PARP11: variants seen among roughly 807,000 people sequenced by gnomAD.
The protein encoded by PARP11 is poly(ADP-ribose) polymerase family member 11.
Under a neutral mutation model 42.9 loss-of-function variants are expected in PARP11, and 31 were observed. That is an observed-to-expected ratio of 0.72 (90% CI 0.54 to 0.98). The LOEUF (loss-of-function observed/expected upper bound fraction) is 0.98. PARP11 is among the 50% of genes least tolerant of loss of function. PARP11 has a pLI of 0.00. For synonymous variants in PARP11, 137 were observed against 127.3 expected (o/e 1.08, Z -0.51); for missense variants, 365 against 413.1 (o/e 0.88, Z 1.01).
At chr12:3,821,766 A>T in intron 6 of PARP11, 107 bp downstream of exon 6, 1 of 1,210,640 alleles carries the variant, frequency 8.3e-7, no homozygotes, top group Admixed American at 2.3e-5. Flanking sequence ...ACGGCAAGAG[A>T]AAAACAGCAT....
chr12:3,830,126 C>A, intron 1 of PARP11, 108 bp from the exon 2 acceptor site: 1 of 923,700 alleles, frequency 1.1e-6, no homozygotes, highest in Non-Finnish European at 1.6e-6. Flanking sequence ...AGTGTCTTTC[C>A]TCCCATGACA....
At chr12:3,824,105 T>C (rs550259407) in intron 4 of PARP11, among the ~76,000 whole-genome samples, 15 of 152,204 alleles carry the variant, frequency 9.9e-5, no homozygotes, top group South Asian at 4.1e-4. Context: ...ACCAGAAATA[T>C]AGAAATCATC....
At chr12:3,833,401 G>A (rs771506787) in intron 1 of PARP11, among the ~76,000 whole-genome samples, 2 of 151,974 alleles carry the variant, frequency 1.3e-5, no homozygotes, top group Admixed American at 6.6e-5. Flanking sequence ...AGGAGTTTGA[G>A]GCAAGCCTGG....
In PARP11 at chr12:3,840,532, A is replaced by C; in HGVS notation, c.19-10514T>G. ...ATTCTCCAGTGAGCACAAAAATCTTAGCCGGACACCTTCACAGATCATAAG... is the reference window on the plus strand; with the variant it reads ...ATTCTCCAGTGAGCACAAAAATCTTCGCCGGACACCTTCACAGATCATAAG... On this transcript the variant is annotated intron_variant, in intron 1 of 7. Coordinates refer to ENST00000228820, the MANE Select transcript of PARP11 (RefSeq NM_020367.6). The surrounding 1 kb of genome is among the most constrained non-coding windows in gnomAD (Gnocchi z 4.4). The C allele has an allele frequency of 1.2e-6, 2 of 1,608,990 alleles. No individual in the cohort carries two copies. Among genetic ancestry groups the C allele is most frequent in the Non-Finnish European group, 1.7e-6 (2 of 1,175,214 alleles).
At chr12:3,873,119 G>C (rs1030096967) in intron 1 of PARP11, 93 bp downstream of exon 1, 1 of 1,211,256 alleles carries the variant, frequency 8.3e-7, no homozygotes, top group Admixed American at 2.0e-5. Flanking sequence ...CCAGACTGAA[G>C]CGAGCGCGGG....
At chr12:3,854,052 A>G (rs1948147654) in intron 1 of PARP11, among the ~76,000 whole-genome samples, 1 of 152,242 alleles carries the variant, frequency 6.6e-6, no homozygotes, top group Non-Finnish European at 1.5e-5. Flanking sequence ...AAATAACTAA[A>G]TGAAGGTAGA....
At chr12:3,827,854 A>G (rs992612831) in intron 3 of PARP11, among the ~76,000 whole-genome samples, 1 of 152,210 alleles carries the variant, frequency 6.6e-6, no homozygotes, top group Non-Finnish European at 1.5e-5. Flanking sequence ...CACTACTCAC[A>G]GGAATTGAGA....
chr12:3,850,531 C>G lies in PARP11; in HGVS notation c.19-20513G>C, dbSNP rs541789660. On this transcript the variant is annotated intron_variant, in intron 1 of 7. Transcript: ENST00000228820. The stretch of plus-strand genomic sequence containing the variant: ...TTTTCCTCACATGTCCAGATTCCCC[C>G]ACGCAAGCATGTCCACAAAGGGTAA... Among the ~76,000 whole-genome samples the G allele has an allele frequency of 7.9e-5, 12 of 152,300 alleles. No individual in the cohort carries two copies. The South Asian group carries it at 2.3e-3, about 29-fold the overall frequency.
intron 1 of PARP11, among the ~76,000 whole-genome samples, chr12:3,859,302 C>T (rs925084349): frequency 3.3e-5 from 5 of 151,894 alleles, no homozygotes; most frequent in South Asian, 2.1e-4. Context: ...CAGTGGCTCA[C>T]GTCTGTAATC....
rs968356000 is a variant in PARP11, at chr12:3,872,249, C to T, written c.18+963G>A. Among the ~76,000 whole-genome samples, 4 of 152,196 alleles carry T rather than the reference C, an allele frequency of 2.6e-5. No homozygotes were observed. In the East Asian group the frequency reaches 7.8e-4, roughly 29 times the overall value. ...TCCTTTGTCCAGTCACATTTTTACACAGTTGTCTATTCTTCATGGGTCCTA... is the reference window on the plus strand; with the variant it reads ...TCCTTTGTCCAGTCACATTTTTACATAGTTGTCTATTCTTCATGGGTCCTA... On this transcript the variant is annotated intron_variant, in intron 1 of 7. Coordinates refer to ENST00000228820, the MANE Select transcript of PARP11 (RefSeq NM_020367.6).
intron 1 of PARP11, chr12:3,872,516 G>A (rs889899076): frequency 2.0e-6 from 2 of 985,204 alleles, no homozygotes; most frequent in East Asian, 1.1e-4. Flanking sequence ...AAATACCAGA[G>A]TCAGCCAAGG....
Position 3,861,703 on chromosome 12 carries a change from C to T in PARP11, c.18+11509G>A, listed in dbSNP as rs188856983. Among the ~76,000 whole-genome samples, 54 of 150,812 alleles carry T rather than the reference C, an allele frequency of 3.6e-4. 1 individual carries two copies. The highest frequency in any genetic ancestry group is 3.3e-3 in the Admixed American group (50 of 15,176). ...CTGTTTTATCACTTTTTTTTTTCAT[C>T]GATCATAGTCCTGGCATTGTAGCTA... On this transcript the variant is annotated intron_variant, in intron 1 of 7. Coordinates refer to ENST00000228820, the MANE Select transcript of PARP11 (RefSeq NM_020367.6). The surrounding 1 kb of genome is among the most constrained non-coding windows in gnomAD (Gnocchi z 4.6).
At chr12:3,829,779 T>G in intron 2 of PARP11, 111 bp downstream of exon 2, 1 of 1,096,538 alleles carries the variant, frequency 9.1e-7, no homozygotes, top group Non-Finnish European at 1.3e-6. Flanking sequence ...ACAATTTTAT[T>G]TCCTTAAGCT....
chr12:3,813,316 GA>G (rs1317669226), intron 7 of PARP11, among the ~76,000 whole-genome samples: 2 of 152,172 alleles, frequency 1.3e-5, no homozygotes, highest in African/African-American at 4.8e-5. Flanking sequence ...CCATATCCAT[GA>G]AAAGATTTCT....
intron 3 of PARP11, among the ~76,000 whole-genome samples, chr12:3,826,965 A>C (rs1291365234): frequency 6.6e-6 from 1 of 152,186 alleles, no homozygotes; most frequent in African/African-American, 2.4e-5. Flanking sequence ...CCATTTCAAA[A>C]TGATTATGTT....
intron 1 of PARP11, chr12:3,842,611 A>C: frequency 1.2e-6 from 1 of 828,676 alleles, no homozygotes; most frequent in South Asian, 1.7e-5. Context: ...CCCCAGTTGG[A>C]ACTCTTTCCT....
intron 1 of PARP11, among the ~76,000 whole-genome samples, chr12:3,853,348 T>C (rs1349498722): frequency 2.0e-5 from 3 of 152,094 alleles, no homozygotes; most frequent in Non-Finnish European, 2.9e-5. Flanking sequence ...GCAAATTGGA[T>C]AAAGAGTCAA....
chr12:3,864,338 TTC>T (rs1423615173), intron 1 of PARP11, among the ~76,000 whole-genome samples: 1 of 152,216 alleles, frequency 6.6e-6, no homozygotes, highest in Non-Finnish European at 1.5e-5. Context: ...GTTGCTAAAA[TTC>T]TGTTTAAAAT....
intron 1 of PARP11, among the ~76,000 whole-genome samples, chr12:3,843,973 A>G (rs1021915710): frequency 6.6e-6 from 1 of 152,200 alleles, no homozygotes; most frequent in Non-Finnish European, 1.5e-5. Context: ...TGTAAAGCAA[A>G]TTACTTAAGA....
Sources: allele counts gnomAD v4.1 joint callset (sites outside exome capture counted in the v4.1 genomes callset), GRCh38; gene constraint gnomAD v4.1.1; non-coding constraint Gnocchi (gnomAD v3.1); transcripts MANE v1.5; gene names NCBI Gene and HGNC (gene_info 2026-07-23, HGNC 2026-07-21).